The following AUTS2 variants were observed in gnomAD, a reference collection of about 807,000 sequenced individuals.
AUTS2 encodes activator of transcription and developmental regulator AUTS2.
Under a neutral mutation model 112.4 loss-of-function variants are expected in AUTS2, and 17 were observed. That is an observed-to-expected ratio of 0.15 (90% CI 0.10 to 0.23). The LOEUF (loss-of-function observed/expected upper bound fraction) is 0.23, where lower values mean the gene tolerates loss of function less well. AUTS2 is among the 10% of genes least tolerant of loss of function. AUTS2 has a pLI of 1.00. For synonymous variants in AUTS2, 751 were observed against 702.7 expected (o/e 1.07, Z -1.09); for missense variants, 1,510 against 1,701.6 (o/e 0.89, Z 1.98).
chr7:70,243,231 T>TTTGTGTG (rs1377117364), intron 4 of AUTS2, among the ~76,000 whole-genome samples: 10 of 131,670 alleles, frequency 7.6e-5, no homozygotes, highest in African/African-American at 2.8e-4. Flanking sequence ...GAATGTATCC[T>TTTGTGTG]TGTGTGTGTG....
At chr7:69,775,931 G>A (rs1217873081) in intron 1 of AUTS2, among the ~76,000 whole-genome samples, 1 of 152,016 alleles carries the variant, frequency 6.6e-6, no homozygotes, top group Non-Finnish European at 1.5e-5. Context: ...ATTGGCCCTG[G>A]GTAGGAGACC....
chr7:70,298,730 C>CCTGGCTGTATAACTTCT (rs1789062271), intron 4 of AUTS2, among the ~76,000 whole-genome samples: 1 of 152,154 alleles, frequency 6.6e-6, no homozygotes, highest in African/African-American at 2.4e-5. Flanking sequence ...CTCCTTAACC[C>CCTGGCTGTATAACTTCT]AAATTAACAC....
intron 4 of AUTS2, among the ~76,000 whole-genome samples, chr7:70,399,939 G>A (rs1794254641): frequency 6.6e-6 from 1 of 152,064 alleles, no homozygotes; most frequent in African/African-American, 2.4e-5. Flanking sequence ...GTTACTCCAG[G>A]GAATTACAGA....
At position 70,325,711 on chromosome 7, in the gene AUTS2, C is replaced by A. The variant is rs556541553; in HGVS notation, c.661-110041C>A. On this transcript the variant is annotated intron_variant, in intron 4 of 18. Coordinates refer to ENST00000342771, the MANE Select transcript of AUTS2 (RefSeq NM_015570.4). Reference sequence around the variant, plus strand: ...ATCATAGTCCTGGATGTTAGTCACCCTTTCTGCAAGGGAATTGCTATCTGA... The same window carrying A: ...ATCATAGTCCTGGATGTTAGTCACCATTTCTGCAAGGGAATTGCTATCTGA... Among the ~76,000 whole-genome samples the A allele has an allele frequency of 4.6e-5, 7 of 152,304 alleles. No homozygotes were observed. In the East Asian group the frequency reaches 1.4e-3, roughly 29 times the overall value.
chr7:70,482,710 C>T (rs1051782258), intron 5 of AUTS2, among the ~76,000 whole-genome samples: 1 of 152,106 alleles, frequency 6.6e-6, no homozygotes, highest in Non-Finnish European at 1.5e-5. Flanking sequence ...CCAACGTCTC[C>T]GTGAATCCTA....
At chr7:69,682,850 C>T (rs956224122) in intron 1 of AUTS2, among the ~76,000 whole-genome samples, 10 of 152,146 alleles carry the variant, frequency 6.6e-5, no homozygotes, top group African/African-American at 2.4e-4. Flanking sequence ...CTTTGGGAGG[C>T]TGAGGTGGGA....
rs1317486485 is a variant in AUTS2, at chr7:70,364,610, TAAATAAAA to T, written c.661-71140_661-71133del. ...ATAAATAAATAAATAAATAAATAAA[TAAATAAAA>T]ATTAAAAAGGGCTCAAAAGTCCTTT... On this transcript the variant is annotated intron_variant, in intron 4 of 18. Transcript: ENST00000342771. Among the ~76,000 whole-genome samples, 1,048 of 147,240 alleles carry T rather than the reference TAAATAAAA, an allele frequency of 7.1e-3. 13 individuals are homozygous for T. Among genetic ancestry groups the T allele is most frequent in the African/African-American group, 0.022 (867 of 38,838 alleles).
chr7:70,313,597 T>A (rs1343358557), intron 4 of AUTS2, among the ~76,000 whole-genome samples: 1 of 152,140 alleles, frequency 6.6e-6, no homozygotes, highest in Admixed American at 6.5e-5. Context: ...CCCAGAAAAT[T>A]TCTGATAATA....
chr7:69,631,236 G>T (rs1442542217), intron 1 of AUTS2, among the ~76,000 whole-genome samples: 1 of 151,976 alleles, frequency 6.6e-6, no homozygotes, highest in Non-Finnish European at 1.5e-5. Context: ...CCCATAAAAG[G>T]TTAAGAACCA....
chr7:70,036,494 A>G (rs1364638989), intron 2 of AUTS2, among the ~76,000 whole-genome samples: 1 of 152,196 alleles, frequency 6.6e-6, no homozygotes, highest in Non-Finnish European at 1.5e-5. Context: ...TATTGTTTCT[A>G]TCATAGGAGA....
intron 2 of AUTS2, among the ~76,000 whole-genome samples, chr7:69,958,067 C>T (rs1040649795): frequency 2.0e-5 from 3 of 152,176 alleles, no homozygotes; most frequent in African/African-American, 7.2e-5. Flanking sequence ...AGCTAGTCCT[C>T]ACTCTTTTAT....
chr7:69,871,086 A>G (rs542951319), intron 1 of AUTS2, among the ~76,000 whole-genome samples: 2 of 152,282 alleles, frequency 1.3e-5, no homozygotes, highest in African/African-American at 4.8e-5. Context: ...ATATGCACAC[A>G]TTTAACCAAC....
At chr7:70,658,817 A>G (rs1274021643) in intron 5 of AUTS2, among the ~76,000 whole-genome samples, 3 of 152,232 alleles carry the variant, frequency 2.0e-5, no homozygotes. Flanking sequence ...CGTCATGGAT[A>G]AAATCCAACT....
intron 1 of AUTS2, among the ~76,000 whole-genome samples, chr7:69,891,772 A>ATT (rs1794531009): frequency 2.4e-5 from 1 of 41,024 alleles, no homozygotes; most frequent in African/African-American, 7.5e-5. Context: ...CCAGACAGAT[A>ATT]TCTTTTTTTT....
chr7:69,693,866 A>C (rs1293572482), intron 1 of AUTS2, among the ~76,000 whole-genome samples: 2 of 152,178 alleles, frequency 1.3e-5, no homozygotes, highest in Non-Finnish European at 2.9e-5. Flanking sequence ...AATTTGTTAG[A>C]TATGCAAATT....
chr7:70,594,830 A>C (rs1803115449), intron 5 of AUTS2, among the ~76,000 whole-genome samples: 1 of 152,194 alleles, frequency 6.6e-6, no homozygotes, highest in Non-Finnish European at 1.5e-5. Flanking sequence ...GGCCGGGCAC[A>C]GTCGCTCACA....
chr7:70,315,035 C>T lies in AUTS2; in HGVS notation c.661-120717C>T, dbSNP rs536333623. On this transcript the variant is annotated intron_variant, in intron 4 of 18. Coordinates refer to ENST00000342771, the MANE Select transcript of AUTS2 (RefSeq NM_015570.4). ...ATGCTTGCTGTCACCCTTCATAACCCGTGGATGAATAGTTACTGTATCCTA... is the reference window on the plus strand; with the variant it reads ...ATGCTTGCTGTCACCCTTCATAACCTGTGGATGAATAGTTACTGTATCCTA... 4.6e-5 allele frequency among the ~76,000 whole-genome samples: 7 copies of T among 152,304 alleles called. No homozygotes were observed. The East Asian group carries it at 1.2e-3, about 25-fold the overall frequency.
At chr7:69,716,688 C>A (rs1798625905) in intron 1 of AUTS2, among the ~76,000 whole-genome samples, 1 of 152,082 alleles carries the variant, frequency 6.6e-6, no homozygotes, top group South Asian at 2.1e-4. Context: ...CAGTCCCACA[C>A]AACTGCCCCC....
intron 2 of AUTS2, among the ~76,000 whole-genome samples, chr7:69,993,493 C>T (rs957777619): frequency 3.3e-5 from 5 of 152,102 alleles, no homozygotes; most frequent in African/African-American, 1.2e-4. Context: ...GCTCATAATT[C>T]CAGCACTTTG....
Sources: gnomAD v4.1 joint callset for allele counts (sites outside exome capture counted in the v4.1 genomes callset) on GRCh38, gnomAD v4.1.1 for gene constraint, MANE v1.5 for transcripts, NCBI Gene and HGNC (gene_info 2026-07-23, HGNC 2026-07-21) for gene names.